PLCB4: variants seen among roughly 807,000 people sequenced by gnomAD.
The protein encoded by PLCB4 is phospholipase C beta 4, also known as 1-phosphatidylinositol 4,5-bisphosphate phosphodiesterase beta-4.
A neutral mutation model predicts 178.8 loss-of-function variants in PLCB4; 77 were observed. The ratio of observed to expected loss-of-function variants is 0.43; its 90% confidence interval spans 0.36 to 0.52. The LOEUF is 0.52. Among genes scored for constraint, PLCB4 ranks in the 20% least tolerant of loss-of-function variants. The pLI is 0.00. For missense variants in PLCB4, 1,024 were observed against 1,453.4 expected, an observed-to-expected ratio of 0.70 and a Z score of 4.80; for synonymous variants, 496 against 490.8, an observed-to-expected ratio of 1.01 and a Z score of -0.14.
At chr20:9,316,235 G>A (rs1486568749) in intron 4 of PLCB4, among the ~76,000 whole-genome samples, 1 of 151,944 alleles carries the variant, frequency 6.6e-6, no homozygotes, top group Non-Finnish European at 1.5e-5. Flanking sequence ...CCCATCCCAC[G>A]GACCTATGGA....
chr20:9,445,412 T>A (rs75863810), intron 32 of PLCB4, among the ~76,000 whole-genome samples: 1 of 152,342 alleles, frequency 6.6e-6, no homozygotes, highest in African/African-American at 2.4e-5. Context: ...GAACTTGGCT[T>A]GAGTGATGTA....
At chr20:9,444,701 G>T (rs2042306720) in intron 32 of PLCB4, among the ~76,000 whole-genome samples, 1 of 152,188 alleles carries the variant, frequency 6.6e-6, no homozygotes. Flanking sequence ...GGCAGAGGTT[G>T]CAGTGAGCTG....
At chr20:9,236,154 CTCTTGATG>C (rs1447504360) in intron 3 of PLCB4, among the ~76,000 whole-genome samples, 2 of 152,112 alleles carry the variant, frequency 1.3e-5, no homozygotes, top group Non-Finnish European at 2.9e-5. Flanking sequence ...TTAATTTTGT[CTCTTGATG>C]TCTTGATGTT....
rs972896166 is a variant in PLCB4 at position 9,111,816 on chromosome 20, A to G, written c.-79+15474A>G. ...CTGCTCCAAGTAACTCTCATAAAAC[A>G]TAGGGATTTTCTTCCATACAGAAAT... On this transcript the variant is annotated intron_variant, in intron 2 of 39. Transcript: ENST00000378473. Among the ~76,000 whole-genome samples, 4 of 152,352 alleles carry G rather than the reference A, an allele frequency of 2.6e-5. No homozygotes were observed. In the Middle Eastern group the frequency reaches 0.01, roughly 389 times the overall value.
At chr20:9,303,007 T>G (rs1485516470) in intron 3 of PLCB4, among the ~76,000 whole-genome samples, 1 of 152,184 alleles carries the variant, frequency 6.6e-6, no homozygotes, top group Admixed American at 6.6e-5. Context: ...AGAGATGTTT[T>G]GCCCACCATT....
intron 2 of PLCB4, among the ~76,000 whole-genome samples, chr20:9,111,695 T>C (rs902375562): frequency 6.6e-6 from 1 of 152,214 alleles, no homozygotes; most frequent in African/African-American, 2.4e-5. Flanking sequence ...AGACTTCTTT[T>C]AACACAAATG....
chr20:9,213,609 T>C lies in PLCB4; in HGVS notation c.-78-3781T>C, dbSNP rs190795400. Among the ~76,000 whole-genome samples, 245 of 152,338 alleles carry C rather than the reference T, an allele frequency of 1.6e-3. 1 individual carries two copies. The highest frequency in any genetic ancestry group is 5.7e-3 in the African/African-American group (237 of 41,576). On this transcript the variant is annotated intron_variant, in intron 2 of 39. Coordinates refer to ENST00000378473, the MANE Select transcript of PLCB4 (RefSeq NM_001377142.1). Reference sequence around the variant, plus strand: ...TTTACAATTGGGCTATTATGAATAATGCTGCTATGAAATTTTACATGTAAT... The same window carrying C: ...TTTACAATTGGGCTATTATGAATAACGCTGCTATGAAATTTTACATGTAAT...
At chr20:9,107,816 G>A (rs992829749) in intron 2 of PLCB4, among the ~76,000 whole-genome samples, 2 of 152,136 alleles carry the variant, frequency 1.3e-5, no homozygotes, top group South Asian at 2.1e-4. Flanking sequence ...GAGGGAGCAC[G>A]TCCAGAAGAA....
intron 3 of PLCB4, among the ~76,000 whole-genome samples, chr20:9,293,519 AGAAG>A (rs1443935281): frequency 1.3e-5 from 2 of 151,970 alleles, no homozygotes; most frequent in Non-Finnish European, 2.9e-5. Context: ...AAGGAAAGAA[AGAAG>A]GAAGGATTAA....
At chr20:9,385,519 A>G (rs1602274373) in intron 14 of PLCB4, among the ~76,000 whole-genome samples, 1 of 115,604 alleles carries the variant, frequency 8.7e-6, no homozygotes, top group African/African-American at 3.4e-5. Context: ...CGGCTGGGCA[A>G]AGGCGCTTCT....
chr20:9,126,719 G>A (rs1218157631), intron 2 of PLCB4, among the ~76,000 whole-genome samples: 1 of 150,306 alleles, frequency 6.7e-6, no homozygotes, highest in Non-Finnish European at 1.5e-5. Flanking sequence ...ACCAGCAGCA[G>A]CCTTGGAAAT....
chr20:9,419,337 A>G (rs566258617), intron 25 of PLCB4, among the ~76,000 whole-genome samples: 2 of 152,290 alleles, frequency 1.3e-5, no homozygotes, highest in South Asian at 2.1e-4. Context: ...TTTCACTACT[A>G]TTGTTACAGC....
intron 8 of PLCB4, among the ~76,000 whole-genome samples, chr20:9,364,333 C>T (rs2035597268): frequency 6.6e-6 from 1 of 152,176 alleles, no homozygotes; most frequent in Admixed American, 6.5e-5. Context: ...CAACATCCTG[C>T]CCAGATCCCT....
At position 9,093,114 on chromosome 20, in the gene PLCB4, A is replaced by G. The variant is rs535466812; in HGVS notation, c.-134-3173A>G. On this transcript the variant is annotated intron_variant, in intron 1 of 39. Coordinates refer to ENST00000378473, the MANE Select transcript of PLCB4 (RefSeq NM_001377142.1). ...TATTTGACACATATTTATTAAATGC[A>G]TAAGGCCTTAGGATATACCATTGCA... 2.6e-5 allele frequency among the ~76,000 whole-genome samples: 4 copies of G among 152,324 alleles called. No individual in the cohort carries two copies. The East Asian group carries it at 7.7e-4, about 29-fold the overall frequency.
chr20:9,435,649 G>GT lies in PLCB4; in HGVS notation c.2613+2dup, dbSNP rs1309864836. On this transcript the variant is annotated splice_donor_variant, in intron 29 of 39. Transcript: ENST00000378473. LOFTEE classifies it high-confidence loss of function. ...AATGAGAGCTATGGGCATTGAAACT[G>GT]TAAGTAGAAATGGTTGATTAAAGGT... The GT allele has an allele frequency of 6.4e-7, 1 of 1,558,638 alleles. No individual in the cohort carries two copies. The highest frequency in any genetic ancestry group is 8.8e-7 in the Non-Finnish European group (1 of 1,131,590).
intron 2 of PLCB4, among the ~76,000 whole-genome samples, chr20:9,100,572 A>G (rs1326685756): frequency 6.6e-6 from 1 of 152,182 alleles, no homozygotes; most frequent in Non-Finnish European, 1.5e-5. Context: ...GGAAGAATAC[A>G]TATATCAGAA....
chr20:9,412,769 T>C (rs1467641086), intron 25 of PLCB4, among the ~76,000 whole-genome samples: 1 of 152,184 alleles, frequency 6.6e-6, no homozygotes, highest in Non-Finnish European at 1.5e-5. Flanking sequence ...TGTTTCCTCA[T>C]AGTAATTTTC....
At chr20:9,125,138 G>A (rs2092077696) in intron 2 of PLCB4, among the ~76,000 whole-genome samples, 1 of 152,114 alleles carries the variant, frequency 6.6e-6, no homozygotes, top group Admixed American at 6.6e-5. Flanking sequence ...AGACCAATGA[G>A]AACACCGTGA....
At chr20:9,151,086 A>T (rs1444371036) in intron 2 of PLCB4, among the ~76,000 whole-genome samples, 3 of 152,172 alleles carry the variant, frequency 2.0e-5, no homozygotes, top group African/African-American at 4.8e-5. Flanking sequence ...CCATGGATTC[A>T]ACTAAGCTCG....
Sources: gnomAD v4.1 joint callset for allele counts (sites outside exome capture counted in the v4.1 genomes callset) on GRCh38, gnomAD v4.1.1 for gene constraint, MANE v1.5 for transcripts, NCBI Gene and HGNC (gene_info 2026-07-23, HGNC 2026-07-21) for gene names.